The following ADAMTSL3 variants were observed in gnomAD, a reference collection of about 807,000 sequenced individuals.
ADAMTSL3 encodes the protein ADAMTS-like protein 3.
In ADAMTSL3, 128 loss-of-function variants were observed where a neutral mutation model predicts 201.7. The ratio of observed to expected loss-of-function variants is 0.63; its 90% confidence interval spans 0.55 to 0.73. The LOEUF (loss-of-function observed/expected upper bound fraction) is 0.73, where lower values mean the gene tolerates loss of function less well. ADAMTSL3 is among the 30% of genes least tolerant of loss of function. The pLI is 0.00. For missense variants in ADAMTSL3, 1,990 were observed against 2,119.6 expected (o/e 0.94, Z 1.20); for synonymous variants, 738 against 748.4 (o/e 0.99, Z 0.23).
At chr15:83,880,588 T>C (rs1466410190) in intron 9 of ADAMTSL3, among the ~76,000 whole-genome samples, 2 of 152,246 alleles carry the variant, frequency 1.3e-5, no homozygotes, top group Non-Finnish European at 2.9e-5. Flanking sequence ...GATATTGATT[T>C]AAATTATTGC....
intron 19 of ADAMTSL3, among the ~76,000 whole-genome samples, chr15:83,946,170 G>A (rs996063801): frequency 5.3e-5 from 8 of 152,206 alleles, no homozygotes; most frequent in Admixed American, 2.0e-4. Context: ...GGCCTTCACA[G>A]TTATATCCTG....
In ADAMTSL3 at chr15:83,674,964, G is replaced by T. The variant is rs970872436; in HGVS notation, c.69+19134G>T. Among the ~76,000 whole-genome samples, 4 of 151,518 alleles carry T rather than the reference G, an allele frequency of 2.6e-5. No individual in the cohort carries two copies. In the East Asian group the frequency reaches 7.7e-4, roughly 29 times the overall value. ...TTTTGTAAAATTCTGAACAATCCTT[G>T]TTGGATTTATAATTACATATTCTAT... On this transcript the variant is annotated intron_variant, in intron 2 of 29. Transcript: ENST00000286744.
At position 83,678,116 on chromosome 15, in the gene ADAMTSL3, A is replaced by G. The variant is rs2061430678; in HGVS notation, c.69+22286A>G. Reference sequence around the variant, plus strand: ...ATATAGCTGTCTTAATATGTCCTCAATATAGTTTGAGCACCACATCAGATG... The same window carrying G: ...ATATAGCTGTCTTAATATGTCCTCAGTATAGTTTGAGCACCACATCAGATG... On this transcript the variant is annotated intron_variant, in intron 2 of 29. Coordinates refer to ENST00000286744, the MANE Select transcript of ADAMTSL3 (RefSeq NM_207517.3). Among the ~76,000 whole-genome samples the G allele has an allele frequency of 2.0e-5, 3 of 152,138 alleles. No homozygotes were observed. The South Asian group carries it at 6.2e-4, about 32-fold the overall frequency.
At chr15:83,665,618 T>C (rs777789481) in intron 2 of ADAMTSL3, among the ~76,000 whole-genome samples, 1 of 152,224 alleles carries the variant, frequency 6.6e-6, no homozygotes, top group Non-Finnish European at 1.5e-5. Flanking sequence ...TAACATCTTA[T>C]GGAAACCACA....
At position 83,943,963 on chromosome 15, in the gene ADAMTSL3, A is replaced by G. The variant is rs191436145; in HGVS notation, c.2490+881A>G. Among the ~76,000 whole-genome samples, 906 of 128,574 alleles carry G rather than the reference A, an allele frequency of 7.0e-3. 7 individuals carry two copies. Among genetic ancestry groups the G allele is most frequent in the African/African-American group, 0.028 (839 of 29,864 alleles). The allele number at this position is 128,574 out of a possible 152,430, so 84.3% of individuals were successfully genotyped here. A position where few individuals can be genotyped will look rare whatever the true frequency, so the allele number is the denominator to read the frequency against. On this transcript the variant is annotated intron_variant, in intron 19 of 29. Transcript: ENST00000286744. The stretch of plus-strand genomic sequence containing the variant: ...GATCATACTGAATTTTATATATCCT[A>G]TGTTTTTTTTTATCTGATAACTGAG...
intron 3 of ADAMTSL3, among the ~76,000 whole-genome samples, chr15:83,714,025 A>G (rs148728565): frequency 1.1e-4 from 16 of 152,304 alleles, no homozygotes; most frequent in African/African-American, 3.8e-4. Flanking sequence ...TGGCACTGAC[A>G]TATGGATACC....
chr15:83,911,830 A>C (rs11259936), intron 15 of ADAMTSL3, among the ~76,000 whole-genome samples: 95,362 of 152,042 alleles, frequency 0.63, 30,998 homozygotes, highest in African/African-American at 0.79. Flanking sequence ...TTGGAACTGC[A>C]TCTTAAACAA....
chr15:83,863,305 A>G (rs766455444), intron 8 of ADAMTSL3, among the ~76,000 whole-genome samples: 17 of 152,332 alleles, frequency 1.1e-4, no homozygotes, highest in South Asian at 2.1e-4. Context: ...ACCCCAAATC[A>G]ACAGAATATA....
chr15:83,985,592 G>A (rs2067460326), intron 21 of ADAMTSL3, among the ~76,000 whole-genome samples: 1 of 152,094 alleles, frequency 6.6e-6, no homozygotes, highest in Non-Finnish European at 1.5e-5. Context: ...TCAAGATTTA[G>A]TAAGATTAAT....
chr15:83,669,529 G>T (rs1471173070), intron 2 of ADAMTSL3, among the ~76,000 whole-genome samples: 1 of 133,116 alleles, frequency 7.5e-6, no homozygotes, highest in Non-Finnish European at 1.5e-5. Context: ...GTGCTGTGGC[G>T]TGATCTCGGC....
chr15:83,980,030 A>G (rs974074832), intron 20 of ADAMTSL3, among the ~76,000 whole-genome samples: 5 of 152,250 alleles, frequency 3.3e-5, no homozygotes, highest in Admixed American at 6.5e-5. Flanking sequence ...GGATACTGAG[A>G]TTAGTGAATA....
At chr15:83,782,966 ATATAT>A (rs202187999) in intron 4 of ADAMTSL3, among the ~76,000 whole-genome samples, 2,897 of 146,484 alleles carry the variant, frequency 0.02, 87 homozygotes, top group African/African-American at 0.062. Flanking sequence ...TTATATATAC[ATATAT>A]TATATATATA....
intron 15 of ADAMTSL3, among the ~76,000 whole-genome samples, chr15:83,903,578 G>T (rs922521161): frequency 1.3e-5 from 2 of 151,586 alleles, no homozygotes; most frequent in Admixed American, 6.6e-5. Flanking sequence ...CGTCCCTAAG[G>T]TCCCTTTAAA....
At chr15:83,823,901 CTTCTTCTTCTT>C (rs2063940860) in intron 6 of ADAMTSL3, among the ~76,000 whole-genome samples, 1 of 23,012 alleles carries the variant, frequency 4.3e-5, no homozygotes, top group Non-Finnish European at 1.3e-4. Flanking sequence ...TCCTCTTCTT[CTTCTTCTTCTT>C]CTTCTTCTTC....
intron 5 of ADAMTSL3, among the ~76,000 whole-genome samples, chr15:83,805,499 G>C (rs1759895410): frequency 6.6e-6 from 1 of 151,764 alleles, no homozygotes; most frequent in South Asian, 2.1e-4. Flanking sequence ...GAAGCTTGCA[G>C]TGAGCCAAGA....
At chr15:83,694,106 T>C (rs2061648526) in intron 2 of ADAMTSL3, among the ~76,000 whole-genome samples, 1 of 152,220 alleles carries the variant, frequency 6.6e-6, no homozygotes, top group African/African-American at 2.4e-5. Flanking sequence ...CCTGAGAGCA[T>C]GTTCTTCTTC....
At chr15:83,885,036 T>C (rs2065358763) in intron 9 of ADAMTSL3, 65 bp from the exon 10 acceptor site, 3 of 1,053,088 alleles carry the variant, frequency 2.8e-6, no homozygotes, top group Non-Finnish European at 4.3e-6. Flanking sequence ...TTATCTTATT[T>C]TGAAAGGTGT....
intron 6 of ADAMTSL3, among the ~76,000 whole-genome samples, chr15:83,832,245 C>T (rs1364216436): frequency 6.6e-6 from 1 of 151,892 alleles, no homozygotes; most frequent in Non-Finnish European, 1.5e-5. Flanking sequence ...CACATTTACC[C>T]TTCTGCTCAC....
In ADAMTSL3 at chr15:83,982,872, G is replaced by A. The variant is rs2067411613; in HGVS notation, c.3244G>A (p.Ala1082Thr). 1 of 1,613,968 alleles carries A rather than the reference G, an allele frequency of 6.2e-7. No homozygotes were observed. Among genetic ancestry groups the A allele is most frequent in the African/African-American group, 1.3e-5 (1 of 74,948 alleles). The change falls in exon 21 of 30, where the codon GCA (alanine) becomes ACA (threonine). Residue 1082 changes from alanine to threonine, a missense_variant. Physicochemically the swap from Ala to Thr is moderately conservative, Grantham distance 58. Transcript: ENST00000286744. ...GGAGTTGAAGAATAAGCAGTTTGAA[G>A]CAGCAGTTAAACAAGGAGCATATAG... ...SWELKNKQFE[A>T]AVKQGAYSMD...
Sources: gnomAD v4.1 joint callset for allele counts (sites outside exome capture counted in the v4.1 genomes callset) on GRCh38, gnomAD v4.1.1 for gene constraint, MANE v1.5 for transcripts, NCBI Gene and HGNC (gene_info 2026-07-23, HGNC 2026-07-21) for gene names.